SSX5: variants seen among roughly 807,000 people sequenced by gnomAD.
SSX5 encodes the protein protein SSX5.
In SSX5, 14 loss-of-function variants were observed where a neutral mutation model predicts 14.9. That is an observed-to-expected ratio of 0.94 (90% CI 0.62 to 1.47). The LOEUF is 1.47. Among genes scored for constraint, SSX5 ranks in the 40% most tolerant of loss-of-function variants. The probability of loss-of-function intolerance (pLI) is 0.00; values close to 1 mark genes in which losing one functional copy is unlikely to be tolerated. For synonymous variants in SSX5, 70 were observed against 55.4 expected, an observed-to-expected ratio of 1.26 and a Z score of -1.17; for missense variants, 204 against 154.6, an observed-to-expected ratio of 1.32 and a Z score of -1.70.
At chrX:48,188,156 T>C (rs2059406141) in intron 6 of SSX5, among the ~76,000 whole-genome samples, 1 of 112,466 alleles carries the variant, frequency 8.9e-6, no homozygotes, top group African/African-American at 3.2e-5. Flanking sequence ...CCATTATTAT[T>C]ATATCTGTTA....
rs2059436785 is a variant in SSX5 at position 48,195,321 on chromosome X, A to G, written c.38T>C (p.Val13Ala). 1.7e-6 allele frequency: 2 copies of G among 1,211,145 alleles called. No homozygotes were observed. The highest frequency in any genetic ancestry group is 2.2e-6 in the Non-Finnish European group (2 of 895,347). ...GDDAFVRRPR[V>A]GSQIPEKMQK... ...CATCTTCTCTGGTATTTGAGAACCA[A>G]CCCTAGGTCTCCGTACAAAGGCATC... Residue 13 changes from valine to alanine, a missense_variant, in exon 2 of 8, where the codon GTT (valine) becomes GCT (alanine). Physicochemically the swap from Val to Ala is moderately conservative, Grantham distance 64 (BLOSUM62 0). Coordinates refer to ENST00000347757, the MANE Select transcript of SSX5 (RefSeq NM_175723.2).
At position 48,190,124 on chromosome X, in the gene SSX5, T is replaced by G; in HGVS notation, c.466+9A>C. ...CCAGAGTGGTTGTTCCCAAATTCTT[T>G]TCTCTTACCAGATGTCTTGTTAACC... On this transcript the variant is annotated intron_variant, in intron 6 of 7. Coordinates refer to ENST00000347757, the MANE Select transcript of SSX5 (RefSeq NM_175723.2). The G allele has an allele frequency of 8.3e-7, 1 of 1,209,717 alleles. No homozygotes were observed. Among genetic ancestry groups the G allele is most frequent in the South Asian group, 1.8e-5 (1 of 56,599 alleles).
chrX:48,192,091 G>C, intron 5 of SSX5, 141 bp downstream of exon 5: 2 of 989,956 alleles, frequency 2.0e-6, no homozygotes, highest in Non-Finnish European at 2.8e-6. Context: ...TTAGCAAGCC[G>C]TCGGTGCTAC....
chrX:48,188,773 C>G (rs1446234583), intron 6 of SSX5, among the ~76,000 whole-genome samples: 1 of 112,248 alleles, frequency 8.9e-6, no homozygotes, highest in Non-Finnish European at 1.9e-5. Context: ...GCCTCTTGCA[C>G]CAAACAGCCA....
At chrX:48,187,595 G>C in intron 7 of SSX5, 32 bp downstream of exon 7, 1 of 1,177,142 alleles carries the variant, frequency 8.5e-7, no homozygotes, top group Non-Finnish European at 1.2e-6. Context: ...ACATCTGCAA[G>C]GATGTGGGAG....
chrX:48,196,377 GTTT>G (rs782199815), intron 1 of SSX5, among the ~76,000 whole-genome samples: 1 of 97,190 alleles, frequency 1.0e-5, no homozygotes, highest in Non-Finnish European at 2.1e-5. Context: ...ATTTGAGTGA[GTTT>G]TTTTTTTTTT....
chrX:48,194,468 G>T (rs2059432504), intron 3 of SSX5, among the ~76,000 whole-genome samples: 1 of 109,819 alleles, frequency 9.1e-6, no homozygotes, highest in Admixed American at 9.8e-5. Context: ...ACGATGGGGG[G>T]GTGCCAGATG....
intron 2 of SSX5, 106 bp from the exon 3 acceptor site, chrX:48,194,960 C>A: frequency 8.3e-7 from 1 of 1,210,549 alleles, no homozygotes. Context: ...GATGATAATC[C>A]GTCCTGGTTG....
Position 48,194,198 on chromosome X carries a change from T to C in SSX5, c.211A>G (p.Met71Val), listed in dbSNP as rs782672798. The C allele has an allele frequency of 1.7e-6, 2 of 1,207,823 alleles. No homozygotes were observed. The highest frequency in any genetic ancestry group is 4.4e-5 in the Admixed American group (2 of 45,417). ...AAGTCTGCGACCCGTTTATTACGCA[T>C]GAAAGGTGGGAGGGTGGCCTTGAAA... ...LGFKATLPPF[M>V]RNKRVADFQG... Residue 71 changes from methionine to valine, a missense_variant, in exon 4 of 8, where the codon ATG becomes GTG. Coordinates refer to ENST00000347757, the MANE Select transcript of SSX5 (RefSeq NM_175723.2).
chrX:48,187,772 T>A, intron 6 of SSX5, 41 bp from the exon 7 acceptor site: 1 of 1,185,462 alleles, frequency 8.4e-7, no homozygotes, highest in Non-Finnish European at 1.1e-6. Flanking sequence ...TTGGGTAGAT[T>A]GGAGAGGGTT....
At position 48,194,860 on chromosome X, in the gene SSX5, A is replaced by G. The variant is rs193226240; in HGVS notation, c.70-6T>C. ...TTGGCAATATCATCGAAGGCCTAGA[A>G]AAAAAAAAAGGATTTCTGATAGTGA... On this transcript the variant is annotated splice_polypyrimidine_tract_variant and splice_region_variant and intron_variant, in intron 2 of 7. Transcript: ENST00000347757. 5.1e-6 allele frequency: 6 copies of G among 1,181,472 alleles called. No individual in the cohort carries two copies. The highest frequency in any genetic ancestry group is 6.8e-6 in the Non-Finnish European group (6 of 876,762).
At chrX:48,193,031 T>G (rs1271839097) in intron 4 of SSX5, among the ~76,000 whole-genome samples, 1 of 112,270 alleles carries the variant, frequency 8.9e-6, no homozygotes, top group African/African-American at 3.2e-5. Context: ...CTCTGTGTGT[T>G]GGATGAGGGA....
rs2059398801 is a variant in SSX5 at position 48,186,654 on chromosome X, G to T, written c.*207C>A. 1 of 734,498 alleles carries T rather than the reference G, an allele frequency of 1.4e-6. No individual in the cohort carries two copies. The highest frequency in any genetic ancestry group is 2.7e-5 in the Admixed American group (1 of 36,656). The allele number at this position is 734,498 out of a possible 1,213,427, so 60.5% of individuals were successfully genotyped here. On this transcript the variant is annotated 3_prime_UTR_variant, in exon 8 of 8. Transcript: ENST00000347757. ...TGAAAACGCTAATATCTAACAGAAT[G>T]GCACACTGTAACAAAATACAACAGA...
At chrX:48,193,774 C>T (rs1254730090) in intron 4 of SSX5, among the ~76,000 whole-genome samples, 2 of 109,882 alleles carry the variant, frequency 1.8e-5, no homozygotes, top group Admixed American at 9.8e-5. Context: ...ACAAAACACA[C>T]TATCAACAAG....
Position 48,186,629 on chromosome X carries a change from T to C in SSX5, c.*232A>G. 1 of 598,371 alleles carries C rather than the reference T, an allele frequency of 1.7e-6. No individual in the cohort carries two copies. The highest frequency in any genetic ancestry group is 2.6e-6 in the Non-Finnish European group (1 of 381,528). The allele number at this position is 598,371 out of a possible 1,213,427, so 49.3% of individuals were successfully genotyped here. A position where few individuals can be genotyped will look rare whatever the true frequency, so the allele number is the denominator to read the frequency against. ...GCATTAAGTATGTCTTGCTCATCAG[T>C]GAAAACGCTAATATCTAACAGAATG... On this transcript the variant is annotated 3_prime_UTR_variant, in exon 8 of 8. Transcript: ENST00000347757.
At chrX:48,193,467 G>C (rs1157337490) in intron 4 of SSX5, among the ~76,000 whole-genome samples, 1 of 111,347 alleles carries the variant, frequency 9.0e-6, no homozygotes, top group Non-Finnish European at 1.9e-5. Flanking sequence ...CTACAAACAG[G>C]CTGGGCGTGG....
Position 48,186,776 on chromosome X carries a change from A to G in SSX5, c.*85T>C. 7 of 1,196,303 alleles carry G rather than the reference A, an allele frequency of 5.9e-6. No homozygotes were observed. Among genetic ancestry groups the G allele is most frequent in the Non-Finnish European group, 7.8e-6 (7 of 893,593 alleles). The stretch of plus-strand genomic sequence containing the variant: ...TTCACTTGCTATACACCTGATGACG[A>G]GGGATCCGCAGCCATGCCCATGTTC... On this transcript the variant is annotated 3_prime_UTR_variant, in exon 8 of 8. Coordinates refer to ENST00000347757, the MANE Select transcript of SSX5 (RefSeq NM_175723.2).
chrX:48,195,711 A>G (rs2059438433), intron 1 of SSX5, among the ~76,000 whole-genome samples: 1 of 110,954 alleles, frequency 9.0e-6, no homozygotes, highest in Non-Finnish European at 1.9e-5. Flanking sequence ...GAAGGCAGAG[A>G]TGTGACTGTG....
intron 6 of SSX5, among the ~76,000 whole-genome samples, chrX:48,187,987 C>A (rs1412388198): frequency 1.8e-5 from 2 of 112,325 alleles, no homozygotes; most frequent in Non-Finnish European, 3.8e-5. Context: ...AGATTCCCAA[C>A]CTCTTCACTT....
Sources: gnomAD v4.1 joint callset for allele counts (sites outside exome capture counted in the v4.1 genomes callset) on GRCh38, gnomAD v4.1.1 for gene constraint, MANE v1.5 for transcripts, NCBI Gene and HGNC (gene_info 2026-07-23, HGNC 2026-07-21) for gene names.